The following ARHGAP19 variants were observed in gnomAD, a reference collection of about 807,000 sequenced individuals.
The protein encoded by ARHGAP19 is rho GTPase-activating protein 19.
ARHGAP19 carries 48 observed loss-of-function variants against 60.9 expected under a neutral mutation model. The ratio of observed to expected loss-of-function variants is 0.79; its 90% CI spans 0.62 to 1.00. The LOEUF (loss-of-function observed/expected upper bound fraction) is 1.00. ARHGAP19 is among the 50% of genes least tolerant of loss of function. ARHGAP19 has a pLI of 0.00. For synonymous variants in ARHGAP19, 209 were observed against 215.5 expected, an observed-to-expected ratio of 0.97 and a Z score of 0.27; for missense variants, 562 against 597.2, an observed-to-expected ratio of 0.94 and a Z score of 0.61.
At chr10:97,289,115 C>CT (rs769116702) in intron 1 of ARHGAP19, among the ~76,000 whole-genome samples, 1,487 of 114,352 alleles carry the variant, frequency 0.013, 22 homozygotes, top group Middle Eastern at 0.037. Flanking sequence ...CCGTGCCCGG[C>CT]TTTTTTTTTT....
rs190642633 is a variant in ARHGAP19 at position 97,291,589 on chromosome 10, C to T, written c.56+983G>A. 1.3e-3 allele frequency among the ~76,000 whole-genome samples: 205 copies of T among 152,278 alleles called. 1 individual carries two copies. Among genetic ancestry groups the T allele is most frequent in the African/African-American group, 4.7e-3 (197 of 41,544 alleles). On this transcript the variant is annotated intron_variant, in intron 1 of 11. Coordinates refer to ENST00000358531, the MANE Select transcript of ARHGAP19 (RefSeq NM_032900.6). ...GATTACAGGCGTAAGCCACCATGCC[C>T]GGCCCCGTATGATATTTTAAATAAC...
chr10:97,244,911 G>T (rs1842541374), intron 7 of ARHGAP19, among the ~76,000 whole-genome samples: 1 of 150,132 alleles, frequency 6.7e-6, no homozygotes, highest in Non-Finnish European at 1.5e-5. Context: ...TTCAGAGCAG[G>T]AGTGGAAGTT....
At chr10:97,258,721 T>C (rs1256754207) in intron 5 of ARHGAP19, 1 of 152,658 alleles carries the variant, frequency 6.6e-6, no homozygotes, top group Non-Finnish European at 1.5e-5. Flanking sequence ...GTGATTGTGT[T>C]ACTCTCCTCC....
At chr10:97,280,673 C>T (rs1420460316) in intron 1 of ARHGAP19, among the ~76,000 whole-genome samples, 1 of 152,006 alleles carries the variant, frequency 6.6e-6, no homozygotes, top group Non-Finnish European at 1.5e-5. Flanking sequence ...GCCTTCAACA[C>T]CTGGGCTCAA....
chr10:97,282,839 C>CTTTTTTTTTTTTTTTTT (rs56387291), intron 1 of ARHGAP19, among the ~76,000 whole-genome samples: 1 of 91,016 alleles, frequency 1.1e-5, no homozygotes, highest in Admixed American at 1.3e-4. Context: ...TTTCTTTTTT[C>CTTTTTTTTTTTTTTTTT]TTTTTTTTTT....
chr10:97,247,619 A>G (rs57617382), intron 6 of ARHGAP19, among the ~76,000 whole-genome samples: 3,200 of 152,156 alleles, frequency 0.021, 117 homozygotes, highest in African/African-American at 0.07. Context: ...CATCCATACA[A>G]TACAGTACTA....
chr10:97,242,038 AATT>A lies in ARHGAP19; in HGVS notation c.1185+1927_1185+1929del, dbSNP rs1321537383. On this transcript the variant is annotated intron_variant, in intron 8 of 11. Transcript: ENST00000358531. ...AAAAAAAAAAAATAATAATAATAATAATTAATAAATAAATAAAAAATAAAATGT... is the reference window on the plus strand; with the variant it reads ...AAAAAAAAAAAATAATAATAATAATAAATAAATAAATAAAAAATAAAATGT... Among the ~76,000 whole-genome samples, 373 of 148,724 alleles carry A rather than the reference AATT, an allele frequency of 2.5e-3. 2 individuals are homozygous for A. Among genetic ancestry groups the A allele is most frequent in the African/African-American group, 8.8e-3 (363 of 41,112 alleles).
chr10:97,256,518 T>C (rs956137038), intron 5 of ARHGAP19, 114 bp from the exon 6 acceptor site: 2 of 717,410 alleles, frequency 2.8e-6, no homozygotes, highest in Non-Finnish European at 4.8e-6. Flanking sequence ...TAGGTGCCTC[T>C]AATACAATGT....
intron 7 of ARHGAP19, among the ~76,000 whole-genome samples, chr10:97,245,446 A>T (rs531294300): frequency 6.6e-6 from 1 of 151,844 alleles, no homozygotes; most frequent in Non-Finnish European, 1.5e-5. Flanking sequence ...ACATGGTGAA[A>T]CCCCATCTCT....
intron 4 of ARHGAP19, among the ~76,000 whole-genome samples, chr10:97,262,179 T>A (rs1365533888): frequency 7.4e-6 from 1 of 135,548 alleles, no homozygotes; most frequent in African/African-American, 2.7e-5. Context: ...GGCTTTCTTT[T>A]AAAAAAAAAA....
chr10:97,271,859 T>C (rs1191299664), intron 1 of ARHGAP19, among the ~76,000 whole-genome samples: 1 of 151,846 alleles, frequency 6.6e-6, no homozygotes, highest in East Asian at 1.9e-4. Context: ...TTATCAAAAA[T>C]TTTTTGTGCC....
At chr10:97,257,992 G>A (rs1842778636) in intron 5 of ARHGAP19, among the ~76,000 whole-genome samples, 1 of 152,168 alleles carries the variant, frequency 6.6e-6, no homozygotes, top group Non-Finnish European at 1.5e-5. Flanking sequence ...CCGACATACA[G>A]CAGGTCCTCG....
intron 8 of ARHGAP19, among the ~76,000 whole-genome samples, chr10:97,237,941 C>CT: frequency 6.6e-6 from 1 of 151,938 alleles, no homozygotes; most frequent in African/African-American, 2.4e-5. Context: ...CCATACTATA[C>CT]TTTTATCATC....
Position 97,229,770 on chromosome 10 carries a change from C to T in ARHGAP19, c.1389G>A (p.Arg463=). ...CCAAAGAACAGTGTCTTACTAAGTT[C>T]CTATTTTCTTTGCTGGTTCCCTTCA... ...GELKGTSKEN[R]NLLFSGSPAV... Residue 463 remains arginine, a synonymous_variant, in exon 10 of 12, where the codon AGG becomes AGA. Coordinates refer to ENST00000358531, the MANE Select transcript of ARHGAP19 (RefSeq NM_032900.6). The T allele has an allele frequency of 1.9e-6, 3 of 1,593,058 alleles. No individual in the cohort carries two copies. Among genetic ancestry groups the T allele is most frequent in the Non-Finnish European group, 2.6e-6 (3 of 1,162,566 alleles).
chr10:97,267,295 C>T (rs1419505562), intron 1 of ARHGAP19, among the ~76,000 whole-genome samples: 5 of 152,214 alleles, frequency 3.3e-5, no homozygotes, highest in South Asian at 4.1e-4. Flanking sequence ...ATCCAGGTCA[C>T]GATGATGCAA....
At chr10:97,241,514 G>C (rs1052702030) in intron 8 of ARHGAP19, among the ~76,000 whole-genome samples, 3 of 151,716 alleles carry the variant, frequency 2.0e-5, no homozygotes, top group African/African-American at 7.3e-5. Context: ...AGGAGTTCAA[G>C]ACCAGCCTGG....
At chr10:97,231,476 C>T (rs1160464525) in intron 9 of ARHGAP19, among the ~76,000 whole-genome samples, 2 of 152,164 alleles carry the variant, frequency 1.3e-5, no homozygotes, top group Non-Finnish European at 2.9e-5. Context: ...TCCTCATACT[C>T]TTAGCTCCCC....
intron 1 of ARHGAP19, among the ~76,000 whole-genome samples, chr10:97,291,799 AT>A (rs1843236200): frequency 6.6e-6 from 1 of 152,216 alleles, no homozygotes; most frequent in African/African-American, 2.4e-5. Context: ...CAAAAACAAA[AT>A]TGTAATCAAT....
chr10:97,291,539 T>G (rs1167688567), intron 1 of ARHGAP19, among the ~76,000 whole-genome samples: 1 of 151,966 alleles, frequency 6.6e-6, no homozygotes. Flanking sequence ...GGTGATCCGC[T>G]CCCCTCGGCT....
Sources: allele counts gnomAD v4.1 joint callset (sites outside exome capture counted in the v4.1 genomes callset), GRCh38; gene constraint gnomAD v4.1.1; transcripts MANE v1.5; gene names NCBI Gene and HGNC (gene_info 2026-07-23, HGNC 2026-07-21).